The following KMT2C variants were observed in gnomAD, a reference collection of about 807,000 sequenced individuals.
The protein encoded by KMT2C is lysine methyltransferase 2C, also known as histone-lysine N-methyltransferase 2C.
In KMT2C, 88 loss-of-function variants were observed where a neutral mutation model predicts 507.9. That is an observed-to-expected ratio of 0.17 (90% CI 0.15 to 0.21). KMT2C has a LOEUF of 0.21. KMT2C is among the 10% of genes least tolerant of loss of function. The probability of loss-of-function intolerance (pLI) is 1.00; values close to 1 mark genes in which losing one functional copy is unlikely to be tolerated. For synonymous variants in KMT2C, 2,049 were observed against 2,080.8 expected (o/e 0.98, Z 0.42); for missense variants, 4,954 against 5,957.8 (o/e 0.83, Z 5.55).
At chr7:152,284,010 T>C (rs1054207458) in intron 6 of KMT2C, among the ~76,000 whole-genome samples, 7 of 148,022 alleles carry the variant, frequency 4.7e-5, no homozygotes, top group African/African-American at 1.7e-4. Flanking sequence ...GCTTTAACTA[T>C]TTAATACTAG....
At chr7:152,140,629 G>C (rs1278662334) in intron 55 of KMT2C, among the ~76,000 whole-genome samples, 1 of 152,198 alleles carries the variant, frequency 6.6e-6, no homozygotes, top group African/African-American at 2.4e-5. Flanking sequence ...TGAATCAGAA[G>C]TACTAGACTA....
Position 152,252,071 on chromosome 7 carries a change from C to G in KMT2C, c.1489G>C (p.Asp497His). 1 of 1,610,866 alleles carries G rather than the reference C, an allele frequency of 6.2e-7. No homozygotes were observed. Among genetic ancestry groups the G allele is most frequent in the Non-Finnish European group, 8.5e-7 (1 of 1,178,340 alleles). The change falls in exon 11 of 59, where the codon GAC (aspartate) becomes CAC (histidine). Residue 497 changes from aspartate to histidine, a missense_variant. Around this residue, in one of 29 missense-constraint regions of KMT2C, gnomAD observed 376 missense variants for 352.4 expected, o/e 1.07. Transcript: ENST00000262189. ...TCCAGTTCATGATCTGTTGGTTTGT[C>G]ACACTCTAGGTGAACCCACCTGCAG... The part of the protein sequence containing the change: ...MCKRWVHLEC[D>H]KPTDHELDTQ...
rs1452094261 is a variant in KMT2C, at chr7:152,162,353, T to C, written c.11224A>G (p.Ser3742Gly). ...EEPKLEEQNG[S>G]KVEGNAVACP... The stretch of plus-strand genomic sequence containing the variant: ...GCTACAGCGTTTCCTTCTACCTTAC[T>C]ACCATTCTGTTCCTCCAATTTAGGC... The change falls in exon 43 of 59, where the codon AGT (serine) becomes GGT (glycine). Residue 3742 changes from serine (S) to glycine (G), a missense_variant. Around this residue, in one of 29 missense-constraint regions of KMT2C, gnomAD observed 801 missense variants for 751.2 expected, o/e 1.07. Transcript: ENST00000262189. 1.9e-6 allele frequency: 3 copies of C among 1,614,234 alleles called. No homozygotes were observed. The highest frequency in any genetic ancestry group is 2.5e-6 in the Non-Finnish European group (3 of 1,180,032).
chr7:152,414,995 C>T (rs540968200), intron 1 of KMT2C, among the ~76,000 whole-genome samples: 48 of 152,126 alleles, frequency 3.2e-4, no homozygotes, highest in African/African-American at 1.1e-3. Context: ...GCAACAGGTG[C>T]ATACCACATG....
Position 152,177,530 on chromosome 7 carries a change from T to G in KMT2C, c.7923A>C (p.Ser2641=). The change falls in exon 38 of 59, where the codon TCA becomes TCC. Residue 2641 remains serine, a synonymous_variant. Transcript: ENST00000262189. ...SQQEQGHSVH[S]SSMVMRTLNH... ...TCAGAGTCCTCATGACCATAGAAGA[T>G]GAATGGACAGAATGACCTTGCTCTT... 1 of 1,614,180 alleles carries G rather than the reference T, an allele frequency of 6.2e-7. No individual in the cohort carries two copies. Among genetic ancestry groups the G allele is most frequent in the South Asian group, 1.1e-5 (1 of 91,076 alleles).
chr7:152,337,870 T>C (rs897906372), intron 2 of KMT2C, among the ~76,000 whole-genome samples: 4 of 151,644 alleles, frequency 2.6e-5, no homozygotes, highest in Non-Finnish European at 5.9e-5. Flanking sequence ...TTTTTTTTTT[T>C]TTTAAAGACA....
At chr7:152,434,129 C>T (rs2097892549) in intron 1 of KMT2C, among the ~76,000 whole-genome samples, 2 of 152,226 alleles carry the variant, frequency 1.3e-5, no homozygotes, top group African/African-American at 2.4e-5. Context: ...TAAACCTCCA[C>T]TTCCTTCTAC....
At chr7:152,264,922 G>A (rs2095838540) in intron 8 of KMT2C, 116 bp downstream of exon 8, 2 of 1,279,884 alleles carry the variant, frequency 1.6e-6, no homozygotes, top group African/African-American at 3.0e-5. Flanking sequence ...TGAAGTCACT[G>A]AATGAATATA....
intron 3 of KMT2C, among the ~76,000 whole-genome samples, chr7:152,323,396 G>A (rs368415247): frequency 1.3e-4 from 20 of 152,018 alleles, no homozygotes; most frequent in Admixed American, 5.9e-4. Flanking sequence ...CCAGCACTTC[G>A]GGAGGCCAAG....
intron 3 of KMT2C, among the ~76,000 whole-genome samples, chr7:152,328,039 C>T (rs1453484353): frequency 6.6e-6 from 1 of 151,216 alleles, no homozygotes; most frequent in Non-Finnish European, 1.5e-5. Flanking sequence ...GTGCAGGACA[C>T]AGTGTGGTGA....
chr7:152,280,358 C>A (rs182186018), intron 6 of KMT2C, among the ~76,000 whole-genome samples: 1 of 151,270 alleles, frequency 6.6e-6, no homozygotes, highest in Non-Finnish European at 1.5e-5. Context: ...CTGGCTAACA[C>A]GGTAAAACCC....
rs1025928740 is a variant in KMT2C, at chr7:152,367,627, G to A, written c.162-8952C>T. On this transcript the variant is annotated intron_variant, in intron 1 of 58. Transcript: ENST00000262189. ...TCATAGAATTAAAAAGACTATACAG[G>A]TGGACAATCCAAAGTTTTAATCAAA... The A allele has an allele frequency of 4.3e-6, 6 of 1,399,766 alleles. No homozygotes were observed. In the African/African-American group the frequency reaches 7.1e-5, roughly 17 times the overall value. The allele number at this position is 1,399,766 out of a possible 1,614,324, so 86.7% of individuals were successfully genotyped here.
At chr7:152,309,594 C>T (rs1296686136) in intron 6 of KMT2C, among the ~76,000 whole-genome samples, 3 of 144,300 alleles carry the variant, frequency 2.1e-5, no homozygotes, top group East Asian at 2.1e-4. Context: ...ATCTTGGCTA[C>T]GGGCAACCTC....
At chr7:152,255,122 T>TATATATATATAC (rs2095630465) in intron 9 of KMT2C, among the ~76,000 whole-genome samples, 1 of 111,590 alleles carries the variant, frequency 9.0e-6, no homozygotes, top group Non-Finnish European at 1.7e-5. Context: ...TATATATATA[T>TATATATATATAC]ATATATATAT....
chr7:152,159,215 G>A, intron 43 of KMT2C, 143 bp from the exon 44 acceptor site: 1 of 682,012 alleles, frequency 1.5e-6, no homozygotes, highest in African/African-American at 1.8e-5. Context: ...TGGTGTCAAT[G>A]CTGGTTTTCC....
intron 9 of KMT2C, among the ~76,000 whole-genome samples, chr7:152,255,851 G>C (rs557344317): frequency 6.6e-6 from 1 of 152,068 alleles, no homozygotes; most frequent in African/African-American, 2.4e-5. Context: ...ACTCCAAATA[G>C]ATCAGAGATT....
rs2129138482 is a variant in KMT2C, at chr7:152,207,312, G to C, written c.3829C>G (p.Pro1277Ala). 6.3e-7 allele frequency: 1 copy of C among 1,592,120 alleles called. No homozygotes were observed. Among genetic ancestry groups the C allele is most frequent in the South Asian group, 1.1e-5 (1 of 87,992 alleles). Residue 1277 changes from proline (P) to alanine (A), a missense_variant, in exon 24 of 59, where the codon CCA becomes GCA. This residue lies in a region of KMT2C where 176 missense variants were observed against 262.0 expected (regional missense o/e 0.67). Coordinates refer to ENST00000262189, the MANE Select transcript of KMT2C (RefSeq NM_170606.3). The stretch of plus-strand genomic sequence containing the variant: ...TCAGGCACTATACCTGGTCTGTATG[G>C]TTTCCTTTTTCTCTTTTTGACACCA... ...TDGVKKRKRK[P>A]YRPGIGGFMV...
At chr7:152,245,493 GT>G (rs199879891) in intron 14 of KMT2C, among the ~76,000 whole-genome samples, 52 of 151,936 alleles carry the variant, frequency 3.4e-4, no homozygotes, top group Middle Eastern at 6.8e-3. Context: ...ACCTGTTTTT[GT>G]TTTTTTAAAG....
chr7:152,163,486 G>A lies in KMT2C; in HGVS notation c.10091C>T (p.Thr3364Ile), dbSNP rs777665989. ...PIAQLPIKTC[T>I]PAPGTVSNAN... Reference sequence around the variant, plus strand: ...ATTTGAGACTGTCCCTGGGGCTGGTGTACAAGTTTTTATTGGTAACTGGGC... The same window carrying A: ...ATTTGAGACTGTCCCTGGGGCTGGTATACAAGTTTTTATTGGTAACTGGGC... The change falls in exon 43 of 59, where the codon ACA becomes ATA. Residue 3364 changes from threonine (T) to isoleucine (I), a missense_variant. By Grantham distance (89) the Thr-to-Ile change is moderately conservative. This residue lies in a region of KMT2C where 801 missense variants were observed against 751.2 expected (regional missense o/e 1.07). Coordinates refer to ENST00000262189, the MANE Select transcript of KMT2C (RefSeq NM_170606.3). 4.3e-6 allele frequency: 7 copies of A among 1,613,876 alleles called. No individual in the cohort carries two copies. In the Admixed American group the frequency reaches 6.7e-5, roughly 15 times the overall value.
Sources: gnomAD v4.1 joint callset for allele counts (sites outside exome capture counted in the v4.1 genomes callset) on GRCh38, gnomAD v4.1.1 for gene constraint, gnomAD v4.1.1 regional missense constraint, MANE v1.5 for transcripts, NCBI Gene and HGNC (gene_info 2026-07-23, HGNC 2026-07-21) for gene names.